The following DCDC2C variants were observed in gnomAD, a reference collection of about 807,000 sequenced individuals.
DCDC2C encodes the protein doublecortin domain containing 2C.
A neutral mutation model predicts 45.0 loss-of-function variants in DCDC2C; 44 were observed. That is an observed-to-expected ratio of 0.98 (90% CI 0.77 to 1.26). The LOEUF is 1.26. Among genes scored for constraint, DCDC2C ranks in the 50% most tolerant of loss-of-function variants. DCDC2C has a pLI of 0.00. For synonymous variants in DCDC2C, 187 were observed against 178.8 expected (o/e 1.05, Z -0.37); for missense variants, 447 against 468.9 (o/e 0.95, Z 0.43).
intron 10 of DCDC2C, among the ~76,000 whole-genome samples, chr2:3,845,067 T>G (rs1414139123): frequency 1.3e-5 from 2 of 152,214 alleles, no homozygotes; most frequent in African/African-American, 4.8e-5. Flanking sequence ...AGTAGAATCC[T>G]ATGTACATTT....
In DCDC2C at chr2:3,777,497, T is replaced by G. The variant is rs113272690; in HGVS notation, c.955-1319T>G. Among the ~76,000 whole-genome samples, 1,493 of 152,348 alleles carry G rather than the reference T, an allele frequency of 9.8e-3. 18 individuals are homozygous for G. Among genetic ancestry groups the G allele is most frequent in the African/African-American group, 0.034 (1,428 of 41,584 alleles). On this transcript the variant is annotated intron_variant, in intron 8 of 10. Transcript: ENST00000399143. ...CTGAATAAATGAATGAATCAGTGATTGATATCACATCGACTATTCTTTAAA... is the reference window on the plus strand; with the variant it reads ...CTGAATAAATGAATGAATCAGTGATGGATATCACATCGACTATTCTTTAAA...
intron 6 of DCDC2C, among the ~76,000 whole-genome samples, chr2:3,766,314 A>G (rs996076892): frequency 1.3e-5 from 2 of 150,950 alleles, no homozygotes; most frequent in Non-Finnish European, 2.9e-5. Context: ...ACACACGCAC[A>G]CACACACACA....
chr2:3,805,005 T>C (rs1671205006), intron 10 of DCDC2C, among the ~76,000 whole-genome samples: 1 of 152,238 alleles, frequency 6.6e-6, no homozygotes, highest in Non-Finnish European at 1.5e-5. Flanking sequence ...CCTTCTGTTT[T>C]CCCTTTATTG....
chr2:3,844,723 G>A (rs986368111), intron 10 of DCDC2C: 5 of 152,146 alleles, frequency 3.3e-5, no homozygotes, highest in African/African-American at 1.2e-4. Flanking sequence ...GTTGTAAGCC[G>A]AAATTCATGT....
At chr2:3,715,606 T>TCCATCCATCCATC (rs1157499865) in intron 2 of DCDC2C, among the ~76,000 whole-genome samples, 51 of 136,820 alleles carry the variant, frequency 3.7e-4, no homozygotes, top group Non-Finnish European at 2.1e-4. Flanking sequence ...ATCCATCCAT[T>TCCATCCATCCATC]CATCCAATTT....
At chr2:3,791,571 T>C (rs1670811709) in intron 10 of DCDC2C, among the ~76,000 whole-genome samples, 1 of 152,216 alleles carries the variant, frequency 6.6e-6, no homozygotes, top group Non-Finnish European at 1.5e-5. Context: ...TTGCCTTCCA[T>C]CTTGGAAGCT....
At chr2:3,704,170 T>C in intron 1 of DCDC2C, 132 bp downstream of exon 1, 1 of 901,586 alleles carries the variant, frequency 1.1e-6, no homozygotes, top group East Asian at 3.4e-5. Flanking sequence ...TCTTTCGGCG[T>C]GGATCCAGCG....
chr2:3,834,104 T>A (rs114261540), intron 10 of DCDC2C, among the ~76,000 whole-genome samples: 3,135 of 85,720 alleles, frequency 0.037, 118 homozygotes, highest in African/African-American at 0.11. Context: ...CCCCCCTACC[T>A]CCATCCCTGG....
In DCDC2C at chr2:3,761,647, C is replaced by G. The variant is rs1669885202; in HGVS notation, c.727-6107C>G. ...CACTTTAATAAATGTTCAAAGCAGG[C>G]CTGGTTCATTGGTAGAAGACCTTGA... On this transcript the variant is annotated intron_variant, in intron 6 of 10. Transcript: ENST00000399143. The surrounding 1 kb of genome is among the most constrained non-coding windows in gnomAD (Gnocchi z 4.3). Among the ~76,000 whole-genome samples the G allele has an allele frequency of 6.6e-6, 1 of 152,196 alleles. No individual in the cohort carries two copies. Among genetic ancestry groups the G allele is most frequent in the Admixed American group, 6.5e-5 (1 of 15,284 alleles).
chr2:3,834,257 AG>A (rs1292194974), intron 10 of DCDC2C, among the ~76,000 whole-genome samples: 1 of 152,104 alleles, frequency 6.6e-6, no homozygotes, highest in African/African-American at 2.4e-5. Context: ...ACATTCTACA[AG>A]TTTGGACAAA....
intron 3 of DCDC2C, among the ~76,000 whole-genome samples, chr2:3,737,904 G>A (rs1458123836): frequency 2.6e-5 from 4 of 152,150 alleles, no homozygotes; most frequent in Non-Finnish European, 5.9e-5. Flanking sequence ...TAAAAATTAA[G>A]TAGCAACACA....
chr2:3,727,132 A>T, intron 3 of DCDC2C, 53 bp downstream of exon 3: 1 of 1,417,630 alleles, frequency 7.1e-7, no homozygotes, highest in Non-Finnish European at 9.7e-7. Flanking sequence ...ACTCCCTAAA[A>T]ACAATACTTT....
chr2:3,725,663 G>A (rs1281761534), intron 2 of DCDC2C, among the ~76,000 whole-genome samples: 11 of 150,316 alleles, frequency 7.3e-5, no homozygotes, highest in Admixed American at 6.6e-4. Context: ...GGAGGGAGAT[G>A]AGCAGAGAGT....
chr2:3,819,085 A>G (rs533484093), intron 10 of DCDC2C, among the ~76,000 whole-genome samples: 52 of 152,010 alleles, frequency 3.4e-4, no homozygotes, highest in Non-Finnish European at 6.2e-4. Flanking sequence ...AAGGTGATGG[A>G]CTTACCCTCC....
At position 3,713,547 on chromosome 2, in the gene DCDC2C, T is replaced by C. The variant is rs558856684; in HGVS notation, c.339+4947T>C. On this transcript the variant is annotated intron_variant, in intron 2 of 10. Coordinates refer to ENST00000399143, the MANE Select transcript of DCDC2C (RefSeq NM_001287444.2). ...GCCCTAAAAGCTCCTGGAGACCTTG[T>C]TGGAAGTTAAGGCCATGTGCAGCCC... is the stretch of plus-strand genomic sequence containing the variant. Among the ~76,000 whole-genome samples the C allele has an allele frequency of 1.6e-4, 25 of 152,312 alleles. No individual in the cohort carries two copies. In the South Asian group the frequency reaches 5.0e-3, roughly 30 times the overall value.
chr2:3,752,251 C>T (rs570954711), intron 4 of DCDC2C, among the ~76,000 whole-genome samples: 2 of 152,268 alleles, frequency 1.3e-5, no homozygotes, highest in East Asian at 3.9e-4. Flanking sequence ...TTGTCTTATG[C>T]ATATAGAGGC....
chr2:3,824,043 C>A (rs1469715117), intron 10 of DCDC2C, among the ~76,000 whole-genome samples: 1 of 152,244 alleles, frequency 6.6e-6, no homozygotes, highest in Non-Finnish European at 1.5e-5. Flanking sequence ...CAGAATCAGA[C>A]AGAAGCCTGG....
intron 10 of DCDC2C, among the ~76,000 whole-genome samples, chr2:3,815,127 T>C (rs1441376656): frequency 6.6e-6 from 1 of 152,260 alleles, no homozygotes; most frequent in African/African-American, 2.4e-5. Flanking sequence ...TACATGCATC[T>C]GCACATTCTA....
At chr2:3,745,411 A>G (rs1470640099) in intron 4 of DCDC2C, among the ~76,000 whole-genome samples, 3 of 152,224 alleles carry the variant, frequency 2.0e-5, no homozygotes, top group Non-Finnish European at 4.4e-5. Flanking sequence ...TAGATCAATA[A>G]ACTAATTTAT....
Sources: allele counts gnomAD v4.1 joint callset (sites outside exome capture counted in the v4.1 genomes callset), GRCh38; gene constraint gnomAD v4.1.1; non-coding constraint Gnocchi (gnomAD v3.1); transcripts MANE v1.5; gene names NCBI Gene and HGNC (gene_info 2026-07-23, HGNC 2026-07-21).